The following BANK1 variants were observed in gnomAD, a reference collection of about 807,000 sequenced individuals.
The protein encoded by BANK1 is B cell scaffold protein with ankyrin repeats 1.
A neutral mutation model predicts 94.5 loss-of-function variants in BANK1; 95 were observed. That is an observed-to-expected ratio of 1.00 (90% confidence interval 0.85 to 1.19). The LOEUF is 1.19. BANK1 is among the 50% of genes most tolerant of loss of function. BANK1 has a pLI of 0.00. For synonymous variants in BANK1, 334 were observed against 308.4 expected, an observed-to-expected ratio of 1.08 and a Z score of -0.87; for missense variants, 987 against 932.2, an observed-to-expected ratio of 1.06 and a Z score of -0.77.
intron 7 of BANK1, among the ~76,000 whole-genome samples, chr4:101,919,933 T>G (rs1722947574): frequency 6.6e-6 from 1 of 152,022 alleles, no homozygotes; most frequent in Non-Finnish European, 1.5e-5. Flanking sequence ...ATGTATTATA[T>G]TTTGACCCTC....
intron 7 of BANK1, among the ~76,000 whole-genome samples, chr4:102,007,092 A>AAATATATAT (rs1726301299): frequency 1.2e-5 from 1 of 82,296 alleles, no homozygotes; most frequent in African/African-American, 4.2e-5. Context: ...ATATATATAT[A>AAATATATAT]ATATATTTAT....
At chr4:101,964,727 T>C (rs561913165) in intron 7 of BANK1, among the ~76,000 whole-genome samples, 31 of 152,226 alleles carry the variant, frequency 2.0e-4, no homozygotes, top group African/African-American at 5.8e-4. Flanking sequence ...CCATTAAAGA[T>C]GAGATTAACT....
intron 7 of BANK1, among the ~76,000 whole-genome samples, chr4:101,944,642 A>G (rs1723871079): frequency 6.6e-6 from 1 of 152,012 alleles, no homozygotes; most frequent in Non-Finnish European, 1.5e-5. Flanking sequence ...TCAAGAGCAG[A>G]GCCCTTCAAA....
intron 2 of BANK1, among the ~76,000 whole-genome samples, chr4:101,839,936 AATTTTTT>A (rs1167465727): frequency 0.01 from 825 of 78,968 alleles, 48 homozygotes; most frequent in African/African-American, 0.035. Flanking sequence ...TCAAATATTT[AATTTTTT>A]TTTTTTTTTT....
At chr4:101,807,814 C>T (rs1725609523) in intron 1 of BANK1, among the ~76,000 whole-genome samples, 1 of 152,104 alleles carries the variant, frequency 6.6e-6, no homozygotes, top group African/African-American at 2.4e-5. Context: ...GGCGTGGTGG[C>T]TCACGCCTGT....
At chr4:101,899,000 G>A (rs1722184652) in intron 6 of BANK1, among the ~76,000 whole-genome samples, 1 of 151,988 alleles carries the variant, frequency 6.6e-6, no homozygotes. Flanking sequence ...ATTAAGAAAA[G>A]ATAAAATCAA....
intron 1 of BANK1, among the ~76,000 whole-genome samples, chr4:101,826,310 T>C (rs1726363497): frequency 6.6e-6 from 1 of 152,034 alleles, no homozygotes; most frequent in South Asian, 2.1e-4. Context: ...GTTAAAAGTA[T>C]AGGGTATAGG....
chr4:101,901,742 C>T (rs1722291058), intron 6 of BANK1, among the ~76,000 whole-genome samples: 1 of 140,280 alleles, frequency 7.1e-6, no homozygotes, highest in Non-Finnish European at 1.5e-5. Context: ...TGCATTATCT[C>T]CAGACGCTTT....
At chr4:101,936,467 G>T (rs530876438) in intron 7 of BANK1, among the ~76,000 whole-genome samples, 93 of 149,872 alleles carry the variant, frequency 6.2e-4, no homozygotes, top group African/African-American at 2.1e-3. Context: ...TTATATGTAT[G>T]ATATATACAC....
At chr4:101,846,569 G>A (rs1214431901) in intron 2 of BANK1, among the ~76,000 whole-genome samples, 1 of 152,172 alleles carries the variant, frequency 6.6e-6, no homozygotes, top group East Asian at 1.9e-4. Flanking sequence ...TCACAGTTCT[G>A]CATGGCCAAG....
chr4:101,817,406 T>G (rs752713846), intron 1 of BANK1, among the ~76,000 whole-genome samples: 4 of 152,146 alleles, frequency 2.6e-5, no homozygotes, highest in South Asian at 2.1e-4. Context: ...AAGGCCATCA[T>G]CCTTAGCAAA....
intron 1 of BANK1, among the ~76,000 whole-genome samples, chr4:101,805,793 CTT>C (rs1468139090): frequency 6.6e-6 from 1 of 151,584 alleles, no homozygotes; most frequent in African/African-American, 2.4e-5. Flanking sequence ...TTTTCAAACT[CTT>C]TGGTTTGTGG....
chr4:101,798,253 C>T (rs1426672603), intron 1 of BANK1, among the ~76,000 whole-genome samples: 1 of 152,066 alleles, frequency 6.6e-6, no homozygotes, highest in Non-Finnish European at 1.5e-5. Flanking sequence ...TGGAGACGCC[C>T]TTTAGAAATA....
chr4:101,906,299 A>G (rs1028077035), intron 6 of BANK1, among the ~76,000 whole-genome samples: 1 of 152,234 alleles, frequency 6.6e-6, no homozygotes, highest in Non-Finnish European at 1.5e-5. Context: ...TGAGTAATTT[A>G]AAAGGAAAAG....
chr4:101,933,953 G>A (rs13125328), intron 7 of BANK1, among the ~76,000 whole-genome samples: 1 of 151,020 alleles, frequency 6.6e-6, no homozygotes, highest in Non-Finnish European at 1.5e-5. Flanking sequence ...TCATCCATTT[G>A]GTTTGCTGCC....
intron 7 of BANK1, among the ~76,000 whole-genome samples, chr4:102,007,422 A>G (rs1726343866): frequency 6.6e-6 from 1 of 151,660 alleles, no homozygotes; most frequent in South Asian, 2.1e-4. Flanking sequence ...CTAAAAGTTT[A>G]AATTCTTTGG....
At chr4:102,026,000 G>A (rs2631266) in intron 9 of BANK1, among the ~76,000 whole-genome samples, 21,878 of 152,136 alleles carry the variant, frequency 0.14, 1,826 homozygotes, top group East Asian at 0.25. Flanking sequence ...TAATCACTTG[G>A]TAGCTGTGGG....
At chr4:101,816,080 A>G (rs1337990690) in intron 1 of BANK1, among the ~76,000 whole-genome samples, 3 of 152,224 alleles carry the variant, frequency 2.0e-5, no homozygotes, top group Admixed American at 6.5e-5. Context: ...TCTTACAACC[A>G]TATAAAACCT....
At chr4:102,046,807 A>G (rs1041955456) in intron 11 of BANK1, among the ~76,000 whole-genome samples, 1 of 152,142 alleles carries the variant, frequency 6.6e-6, no homozygotes, top group South Asian at 2.1e-4. Context: ...ACTGTAGCAG[A>G]TCATGTATTA....
Sources: allele counts gnomAD v4.1 joint callset (sites outside exome capture counted in the v4.1 genomes callset), GRCh38; gene constraint gnomAD v4.1.1; transcripts MANE v1.5; gene names NCBI Gene and HGNC (gene_info 2026-07-23, HGNC 2026-07-21).